The following GRM1 variants were observed in gnomAD, a reference collection of about 807,000 sequenced individuals.
GRM1 encodes the protein glutamate metabotropic receptor 1, also known as metabotropic glutamate receptor 1.
Under a neutral mutation model 90.9 loss-of-function variants are expected in GRM1, and 33 were observed. That is an observed-to-expected ratio of 0.36 (90% CI 0.28 to 0.49). The LOEUF (loss-of-function observed/expected upper bound fraction) is 0.49. Among genes scored for constraint, GRM1 ranks in the 20% least tolerant of loss-of-function variants. The pLI, the probability that GRM1 is intolerant of heterozygous loss-of-function variation, is 0.99. For missense variants in GRM1, 1,190 were observed against 1,534.3 expected, an observed-to-expected ratio of 0.78 and a Z score of 3.75; for synonymous variants, 700 against 613.2, an observed-to-expected ratio of 1.14 and a Z score of -2.09.
intron 5 of GRM1, among the ~76,000 whole-genome samples, chr6:146,364,138 G>T (rs1287634151): frequency 6.6e-6 from 1 of 152,134 alleles, no homozygotes; most frequent in Non-Finnish European, 1.5e-5. Context: ...ATCTGCAATT[G>T]CTCCCAGTTC....
At chr6:146,337,197 T>G (rs1784803583) in intron 3 of GRM1, among the ~76,000 whole-genome samples, 1 of 152,142 alleles carries the variant, frequency 6.6e-6, no homozygotes, top group Non-Finnish European at 1.5e-5. Context: ...GGACTACACT[T>G]CTGAAGCAGA....
intron 2 of GRM1, among the ~76,000 whole-genome samples, chr6:146,267,938 T>G (rs142201498): frequency 3.8e-4 from 58 of 152,258 alleles, no homozygotes; most frequent in African/African-American, 1.3e-3. Flanking sequence ...CACTGAGTAT[T>G]AACCATCACA....
At chr6:146,059,808 G>A (rs1408794986) in intron 1 of GRM1, among the ~76,000 whole-genome samples, 2 of 152,068 alleles carry the variant, frequency 1.3e-5, no homozygotes, top group African/African-American at 4.8e-5. Flanking sequence ...CCTTAAAAAT[G>A]GTTTCTTTCC....
At chr6:146,060,961 A>G (rs1775646060) in intron 1 of GRM1, among the ~76,000 whole-genome samples, 1 of 152,066 alleles carries the variant, frequency 6.6e-6, no homozygotes, top group South Asian at 2.1e-4. Context: ...GTGAGATGGT[A>G]TCTCATTGTG....
chr6:146,372,040 A>G (rs571907233), intron 5 of GRM1, among the ~76,000 whole-genome samples: 1 of 152,150 alleles, frequency 6.6e-6, no homozygotes, highest in Non-Finnish European at 1.5e-5. Flanking sequence ...ACTCCAAACT[A>G]TTCTCCATAG....
intron 7 of GRM1, among the ~76,000 whole-genome samples, chr6:146,424,775 G>A (rs950462451): frequency 6.6e-6 from 1 of 152,142 alleles, no homozygotes; most frequent in Non-Finnish European, 1.5e-5. Context: ...TCAAGAACAT[G>A]CAAACAAGGC....
At chr6:146,092,969 G>A (rs1282322346) in intron 1 of GRM1, among the ~76,000 whole-genome samples, 1 of 152,054 alleles carries the variant, frequency 6.6e-6, no homozygotes, top group Non-Finnish European at 1.5e-5. Flanking sequence ...TTAAGAGATC[G>A]GAATATAATT....
At chr6:146,366,227 G>T (rs200075307) in intron 5 of GRM1, among the ~76,000 whole-genome samples, 1 of 152,006 alleles carries the variant, frequency 6.6e-6, no homozygotes, top group Non-Finnish European at 1.5e-5. Context: ...CATAATAATC[G>T]TACATATTTA....
chr6:146,161,536 T>C (rs1777727305), intron 2 of GRM1, among the ~76,000 whole-genome samples: 1 of 152,200 alleles, frequency 6.6e-6, no homozygotes, highest in Non-Finnish European at 1.5e-5. Context: ...TGTCTACCTC[T>C]TTTATTCCTC....
chr6:146,077,982 G>A (rs577676019), intron 1 of GRM1, among the ~76,000 whole-genome samples: 15 of 152,278 alleles, frequency 9.9e-5, no homozygotes, highest in South Asian at 4.1e-4. Flanking sequence ...TAGACAGCCC[G>A]ATAAAGGTGC....
chr6:146,175,881 A>G (rs1452198506), intron 2 of GRM1, among the ~76,000 whole-genome samples: 3 of 152,164 alleles, frequency 2.0e-5, no homozygotes, highest in African/African-American at 2.4e-5. Flanking sequence ...AGCTTACAAT[A>G]ATACTCGGGT....
chr6:146,150,354 G>A (rs1777278559), intron 1 of GRM1, among the ~76,000 whole-genome samples: 1 of 152,090 alleles, frequency 6.6e-6, no homozygotes, highest in Non-Finnish European at 1.5e-5. Flanking sequence ...AAGGTGCTGT[G>A]AAATCAATTT....
rs902731254 is a variant in GRM1 at position 146,170,800 on chromosome 6, C to CT, written c.950+11212dup. Among the ~76,000 whole-genome samples, 24 of 149,840 alleles carry CT rather than the reference C, an allele frequency of 1.6e-4. 1 individual carries two copies. The South Asian group carries it at 2.1e-3, about 13-fold the overall frequency. The stretch of plus-strand genomic sequence containing the variant: ...CTCACAGGCAGTTTTTGGTTGCCTG[C>CT]TTTTTTTTTGCATGTATGTGAGTCA... On this transcript the variant is annotated intron_variant, in intron 2 of 7. Coordinates refer to ENST00000282753, the MANE Select transcript of GRM1 (RefSeq NM_001278064.2).
chr6:146,172,014 C>T (rs2128894803), intron 2 of GRM1, among the ~76,000 whole-genome samples: 1 of 151,690 alleles, frequency 6.6e-6, no homozygotes, highest in South Asian at 2.1e-4. Flanking sequence ...TAATATGGTC[C>T]TACCTTGAGC....
intron 1 of GRM1, among the ~76,000 whole-genome samples, chr6:146,138,035 C>T (rs974608457): frequency 3.9e-5 from 6 of 152,018 alleles, no homozygotes; most frequent in Non-Finnish European, 8.8e-5. Context: ...ATTTCTTTAT[C>T]AGTTCTAATA....
At position 146,318,040 on chromosome 6, in the gene GRM1, G is replaced by A. The variant is rs1364212826; in HGVS notation, c.1186+13194G>A. On this transcript the variant is annotated intron_variant, in intron 3 of 7. Coordinates refer to ENST00000282753, the MANE Select transcript of GRM1 (RefSeq NM_001278064.2). ...TTATACTTTAAGTTTTGGGATACAT[G>A]TGCAGAATGCACAGGTTTGTTACGT... 4.6e-5 allele frequency among the ~76,000 whole-genome samples: 7 copies of A among 152,310 alleles called. No individual in the cohort carries two copies. In the South Asian group the frequency reaches 1.5e-3, roughly 32 times the overall value.
chr6:146,097,309 ATTAGTTGAT>A (rs1776905498), intron 1 of GRM1, among the ~76,000 whole-genome samples: 1 of 152,098 alleles, frequency 6.6e-6, no homozygotes, highest in South Asian at 2.1e-4. Context: ...TTCTGGATAA[ATTAGTTGAT>A]TTTTGATGAT....
chr6:146,034,018 T>C (rs1173533872), intron 1 of GRM1, among the ~76,000 whole-genome samples: 1 of 152,074 alleles, frequency 6.6e-6, no homozygotes, highest in African/African-American at 2.4e-5. Context: ...TAGTAAGAAA[T>C]AGGAGTGTTT....
chr6:146,125,210 C>G (rs1776151906), intron 1 of GRM1, among the ~76,000 whole-genome samples: 1 of 152,206 alleles, frequency 6.6e-6, no homozygotes, highest in Admixed American at 6.5e-5. Context: ...ATATCTTTAT[C>G]ACTCCCAACA....
Sources: gnomAD v4.1 joint callset for allele counts (sites outside exome capture counted in the v4.1 genomes callset) on GRCh38, gnomAD v4.1.1 for gene constraint, MANE v1.5 for transcripts, NCBI Gene and HGNC (gene_info 2026-07-23, HGNC 2026-07-21) for gene names.